Variants in SOX5 observed in about 807,000 individuals in gnomAD.
SOX5 encodes transcription factor SOX-5.
A neutral mutation model predicts 92.0 loss-of-function variants in SOX5; 9 were observed. The ratio of observed to expected loss-of-function variants is 0.10; its 90% CI spans 0.06 to 0.17. The LOEUF is 0.17. SOX5 is among the 10% of genes least tolerant of loss of function. The pLI is 1.00. For synonymous variants in SOX5, 344 were observed against 336.3 expected, an observed-to-expected ratio of 1.02 and a Z score of -0.25; for missense variants, 642 against 944.5, an observed-to-expected ratio of 0.68 and a Z score of 4.20.
At chr12:23,955,565 G>T (rs1291843239), upstream of SOX5, among the ~76,000 whole-genome samples, 2 of 152,092 alleles carry the variant, frequency 1.3e-5, no homozygotes, top group African/African-American at 4.8e-5. Context: ...TCAGGCAAAG[G>T]TTGTCAATTA....
intron 4 of SOX5, among the ~76,000 whole-genome samples, chr12:23,755,161 A>G (rs1216184421): frequency 6.6e-6 from 1 of 151,724 alleles, no homozygotes; most frequent in Non-Finnish European, 1.5e-5. Context: ...GATTCAAATA[A>G]AACCAAAACA....
At chr12:24,362,641 A>G (rs1027416149) in intron 2 of SOX5, among the ~76,000 whole-genome samples, 1 of 152,138 alleles carries the variant, frequency 6.6e-6, no homozygotes, top group Non-Finnish European at 1.5e-5. Context: ...GTACAACTCA[A>G]ATCAGCCCTG....
At chr12:24,527,139 T>A (rs1046736267) in intron 1 of SOX5, among the ~76,000 whole-genome samples, 1 of 152,208 alleles carries the variant, frequency 6.6e-6, no homozygotes, top group Non-Finnish European at 1.5e-5. Context: ...GATTTTGAGC[T>A]CCTTGAGAAC....
At chr12:24,417,461 T>C (rs547156542) in intron 1 of SOX5, among the ~76,000 whole-genome samples, 1 of 152,332 alleles carries the variant, frequency 6.6e-6, no homozygotes, top group Non-Finnish European at 1.5e-5. Context: ...CTTTCCAAGA[T>C]GATACCATGA....
chr12:23,660,131 G>C (rs1412180670), intron 7 of SOX5, among the ~76,000 whole-genome samples: 1 of 152,164 alleles, frequency 6.6e-6, no homozygotes, highest in Non-Finnish European at 1.5e-5. Context: ...GGCAGAGTGA[G>C]TTTGATCCTA....
chr12:23,776,054 ATTCT>A (rs1355615450), intron 3 of SOX5, among the ~76,000 whole-genome samples: 1 of 152,208 alleles, frequency 6.6e-6, no homozygotes, highest in African/African-American at 2.4e-5. Flanking sequence ...ACTGCTTATA[ATTCT>A]TTCACTGAAT....
chr12:24,347,489 T>C (rs1296008129), intron 2 of SOX5, among the ~76,000 whole-genome samples: 1 of 152,034 alleles, frequency 6.6e-6, no homozygotes, highest in Non-Finnish European at 1.5e-5. Flanking sequence ...CTCTAAGCAA[T>C]TTTCAAGCAA....
At chr12:23,799,804 C>G (rs1008054606) in intron 3 of SOX5, among the ~76,000 whole-genome samples, 10 of 151,914 alleles carry the variant, frequency 6.6e-5, no homozygotes, top group Non-Finnish European at 1.3e-4. Flanking sequence ...TACCATATTA[C>G]AGACCTATGC....
chr12:24,353,444 C>G (rs1954368406), intron 2 of SOX5, among the ~76,000 whole-genome samples: 1 of 152,152 alleles, frequency 6.6e-6, no homozygotes, highest in African/African-American at 2.4e-5. Flanking sequence ...TCCTCTTCAA[C>G]CTCAGAGGAG....
intron 1 of SOX5, among the ~76,000 whole-genome samples, chr12:24,408,796 G>C (rs1963513399): frequency 6.6e-6 from 1 of 152,138 alleles, no homozygotes; most frequent in Non-Finnish European, 1.5e-5. Flanking sequence ...TAATAATTTG[G>C]AATGGCAATT....
At chr12:24,479,551 T>C (rs1945746656) in intron 1 of SOX5, among the ~76,000 whole-genome samples, 1 of 152,128 alleles carries the variant, frequency 6.6e-6, no homozygotes, top group African/African-American at 2.4e-5. Flanking sequence ...TTTCTCCAAA[T>C]CTGAAGTCCA....
At chr12:24,126,025 G>A (rs773281962) in intron 4 of SOX5, among the ~76,000 whole-genome samples, 12 of 152,118 alleles carry the variant, frequency 7.9e-5, no homozygotes, top group Non-Finnish European at 1.5e-5. Context: ...GAGATGTCAG[G>A]ACACTCCAAT....
intron 4 of SOX5, among the ~76,000 whole-genome samples, chr12:24,158,768 A>G (rs1018933533): frequency 1.3e-5 from 2 of 151,914 alleles, no homozygotes; most frequent in African/African-American, 4.8e-5. Context: ...AGTCATTTTG[A>G]GCCCCTTGCT....
intron 1 of SOX5, among the ~76,000 whole-genome samples, chr12:23,918,410 T>C (rs1011292811): frequency 5.3e-5 from 8 of 152,212 alleles, no homozygotes; most frequent in Non-Finnish European, 1.2e-4. Context: ...AAGTCTTAAA[T>C]TACTAGTTAA....
At chr12:24,467,758 C>T (rs1056965901) in intron 1 of SOX5, among the ~76,000 whole-genome samples, 1 of 151,900 alleles carries the variant, frequency 6.6e-6, no homozygotes, top group African/African-American at 2.4e-5. Context: ...ACAGAGTGTC[C>T]AAGTTTGTCC....
rs56402961 is a variant in SOX5, at chr12:24,517,703, GTT to G, written c.-251+44624_-251+44625del. Among the ~76,000 whole-genome samples, 592 of 140,824 alleles carry G rather than the reference GTT, an allele frequency of 4.2e-3. 2 individuals carry two copies. Among genetic ancestry groups the G allele is most frequent in the African/African-American group, 0.013 (496 of 39,412 alleles). 92.4% of individuals were successfully genotyped at this position (140,824 alleles called of 152,430 possible). A position where few individuals can be genotyped will look rare whatever the true frequency, so the allele number is the denominator to read the frequency against. ...TCAAAGAAAACATAATTAATTCCATGTTTTTTTTTTTTTTTTAACAATCCTCC... is the reference window on the plus strand; with the variant it reads ...TCAAAGAAAACATAATTAATTCCATGTTTTTTTTTTTTTTAACAATCCTCC... On this transcript the variant is annotated intron_variant, in intron 1 of 4. Coordinates refer to the SOX5 transcript ENST00000446891.
At chr12:24,242,002 C>G (rs1403690012) in intron 3 of SOX5, among the ~76,000 whole-genome samples, 3 of 152,162 alleles carry the variant, frequency 2.0e-5, no homozygotes, top group African/African-American at 7.2e-5. Flanking sequence ...TCATTTTTCA[C>G]TATCCAGCTC....
chr12:24,281,577 C>T (rs575937450), intron 2 of SOX5, among the ~76,000 whole-genome samples: 25 of 152,280 alleles, frequency 1.6e-4, no homozygotes, highest in African/African-American at 4.8e-4. Flanking sequence ...CCTTGGGCAA[C>T]GCTCACCGCA....
intron 1 of SOX5, among the ~76,000 whole-genome samples, chr12:24,419,585 ACTCT>A (rs1195957306): frequency 6.6e-6 from 1 of 152,076 alleles, no homozygotes; most frequent in Non-Finnish European, 1.5e-5. Context: ...TTTGGGGTGC[ACTCT>A]CTAAGAGTAC....
Sources: allele counts gnomAD v4.1 joint callset (sites outside exome capture counted in the v4.1 genomes callset), GRCh38; gene constraint gnomAD v4.1.1; transcripts MANE v1.5; gene names NCBI Gene and HGNC (gene_info 2026-07-23, HGNC 2026-07-21).